The following TMEM154 variants were observed in gnomAD, a reference collection of about 807,000 sequenced individuals.
TMEM154 encodes transmembrane protein 154.
In TMEM154, 27 loss-of-function variants were observed where a neutral mutation model predicts 24.5. The ratio of observed to expected loss-of-function variants is 1.10; its 90% confidence interval spans 0.81 to 1.52. TMEM154 has a LOEUF of 1.52. TMEM154 is among the 40% of genes most tolerant of loss of function. TMEM154 has a pLI of 0.00. For synonymous variants in TMEM154, 67 were observed against 76.8 expected (o/e 0.87, Z 0.67); for missense variants, 228 against 213.4 (o/e 1.07, Z -0.43).
intron 3 of TMEM154, chr4:152,647,136 AAATTT>A: frequency 6.8e-7 from 1 of 1,478,982 alleles, no homozygotes; most frequent in Non-Finnish European, 9.0e-7. Flanking sequence ...TCCCATTGTC[AAATTT>A]AAAGACTTAT....
chr4:152,631,224 G>A (rs1458577622), intron 6 of TMEM154, among the ~76,000 whole-genome samples: 2 of 151,582 alleles, frequency 1.3e-5, no homozygotes, highest in East Asian at 1.9e-4. Context: ...TACTCTTTAG[G>A]GAACTATCCT....
At chr4:152,662,819 A>C (rs563490389) in intron 1 of TMEM154, among the ~76,000 whole-genome samples, 1 of 152,312 alleles carries the variant, frequency 6.6e-6, no homozygotes, top group Non-Finnish European at 1.5e-5. Context: ...CTGTGGAGGA[A>C]GGCAGAACTC....
intron 6 of TMEM154, among the ~76,000 whole-genome samples, chr4:152,630,309 CAAAAAAAA>C (rs56827457): frequency 4.4e-5 from 4 of 91,336 alleles, no homozygotes; most frequent in East Asian, 3.4e-4. Flanking sequence ...CACCCTGTCT[CAAAAAAAA>C]AAAAAAAAAA....
chr4:152,657,923 C>T (rs1728522628), intron 1 of TMEM154, among the ~76,000 whole-genome samples: 1 of 152,172 alleles, frequency 6.6e-6, no homozygotes, highest in African/African-American at 2.4e-5. Context: ...CTTTCCCAGA[C>T]ATGCAAAAGC....
chr4:152,653,413 A>C, intron 1 of TMEM154, among the ~76,000 whole-genome samples: 1 of 138,740 alleles, frequency 7.2e-6, no homozygotes, highest in Admixed American at 7.7e-5. Flanking sequence ...TTTTTGAGGC[A>C]GAGTCTTGCT....
chr4:152,661,284 TTCTCTCTCTCTCTCTCTCTCTCTCTCTC>T (rs70949609), intron 1 of TMEM154, among the ~76,000 whole-genome samples: 2,275 of 63,510 alleles, frequency 0.036, 93 homozygotes, highest in African/African-American at 0.13. Flanking sequence ...ATTGTTCTCT[TTCTCTCTCTCTCTCTCTCTCTCTCTCTC>T]TCTCTCTCTC....
rs1481996301 is a variant in TMEM154, at chr4:152,626,548, C to G, written c.*1998G>C. The stretch of plus-strand genomic sequence containing the variant: ...ATTATAGCTTTACCAAATAAAAACT[C>G]AATGACATGTCGCTGAAATTTGCTT... On this transcript the variant is annotated 3_prime_UTR_variant, in exon 7 of 7. Coordinates refer to ENST00000304385, the MANE Select transcript of TMEM154 (RefSeq NM_152680.3). 1 of 152,162 alleles carries G rather than the reference C, an allele frequency of 6.6e-6. No individual in the cohort carries two copies. The highest frequency in any genetic ancestry group is 2.4e-5 in the African/African-American group (1 of 41,432). 9.4% of individuals were successfully genotyped at this position (152,162 alleles called of 1,614,324 possible).
chr4:152,665,653 T>C (rs1344695586), intron 1 of TMEM154, among the ~76,000 whole-genome samples: 2 of 152,184 alleles, frequency 1.3e-5, no homozygotes, highest in African/African-American at 2.4e-5. Flanking sequence ...ATAGCTTTAA[T>C]TGGTGCTTTA....
At chr4:152,663,202 C>A (rs1384236436) in intron 1 of TMEM154, among the ~76,000 whole-genome samples, 3 of 152,188 alleles carry the variant, frequency 2.0e-5, no homozygotes, top group African/African-American at 4.8e-5. Flanking sequence ...TGTTCTCTTT[C>A]CCCCATCTCT....
chr4:152,668,032 C>T (rs558441570), intron 1 of TMEM154, among the ~76,000 whole-genome samples: 1 of 152,180 alleles, frequency 6.6e-6, no homozygotes, highest in Admixed American at 6.5e-5. Context: ...ATTTTGATGT[C>T]TTTTTAAGAG....
At chr4:152,641,350 A>T (rs906661407) in intron 5 of TMEM154, 3 of 192,612 alleles carry the variant, frequency 1.6e-5, no homozygotes, top group East Asian at 1.5e-4. Context: ...CTGCAGAATG[A>T]TTTCCATCAG....
rs1309196453 is a variant in TMEM154 at position 152,642,963 on chromosome 4, C to T, written c.478+125G>A. On this transcript the variant is annotated intron_variant, in intron 5 of 6. Transcript: ENST00000304385. ...AGACCAGGTTTATTATCTGCATGTACCAGATCTAATGTGGGATTGGGTTCT... is the reference window on the plus strand; with the variant it reads ...AGACCAGGTTTATTATCTGCATGTATCAGATCTAATGTGGGATTGGGTTCT... 6 of 720,410 alleles carry T rather than the reference C, an allele frequency of 8.3e-6. No individual in the cohort carries two copies. In the African/African-American group the frequency reaches 1.1e-4, roughly 13 times the overall value. 44.6% of individuals were successfully genotyped at this position (720,410 alleles called of 1,614,324 possible).
rs1259385152 is a variant in TMEM154, at chr4:152,623,891, A to AC, written c.*4654_*4655insG. The stretch of plus-strand genomic sequence containing the variant: ...AGCAAAACACTATCTTAAAAAAAAA[A>AC]AAAAAGGAAATGGGAAACTGTTAAG... On this transcript the variant is annotated 3_prime_UTR_variant, in exon 7 of 7. Transcript: ENST00000304385. 6.6e-6 allele frequency: 1 copy of AC among 152,080 alleles called. No individual in the cohort carries two copies. Among genetic ancestry groups the AC allele is most frequent in the African/African-American group, 2.4e-5 (1 of 41,424 alleles). The allele number at this position is 152,080 out of a possible 1,614,324, so 9.4% of individuals were successfully genotyped here. A position where few individuals can be genotyped will look rare whatever the true frequency, so the allele number is the denominator to read the frequency against.
chr4:152,669,846 G>A (rs1162721740), intron 1 of TMEM154: 1 of 152,202 alleles, frequency 6.6e-6, no homozygotes, highest in Non-Finnish European at 1.5e-5. Context: ...TTAAGGAAAA[G>A]AAGCCAGAAC....
At chr4:152,670,658 T>C (rs938076770) in intron 1 of TMEM154, among the ~76,000 whole-genome samples, 13 of 152,224 alleles carry the variant, frequency 8.5e-5, no homozygotes, top group Admixed American at 7.9e-4. Context: ...TAGCTAATAT[T>C]CTGGAATAAA....
intron 1 of TMEM154, among the ~76,000 whole-genome samples, chr4:152,678,743 A>G (rs1729003001): frequency 6.6e-6 from 1 of 152,178 alleles, no homozygotes; most frequent in African/African-American, 2.4e-5. Flanking sequence ...TCAACTTCCA[A>G]ACCCACTCTG....
At chr4:152,671,584 A>G (rs1475021416) in intron 1 of TMEM154, among the ~76,000 whole-genome samples, 4 of 150,702 alleles carry the variant, frequency 2.7e-5, no homozygotes, top group African/African-American at 9.8e-5. Flanking sequence ...CGTCTCTACT[A>G]AAAATACAAA....
chr4:152,644,316 C>A, intron 4 of TMEM154, 99 bp downstream of exon 4: 2 of 1,363,116 alleles, frequency 1.5e-6, no homozygotes, highest in East Asian at 2.4e-5. Context: ...AGGAGAGTCC[C>A]GCAAGATGTC....
intron 1 of TMEM154, among the ~76,000 whole-genome samples, chr4:152,660,751 C>T (rs932418098): frequency 1.3e-5 from 2 of 152,162 alleles, no homozygotes; most frequent in African/African-American, 2.4e-5. Flanking sequence ...CCCATTCCTC[C>T]GCCTATACTA....
Sources: gnomAD v4.1 joint callset for allele counts (sites outside exome capture counted in the v4.1 genomes callset) on GRCh38, gnomAD v4.1.1 for gene constraint, MANE v1.5 for transcripts, NCBI Gene and HGNC (gene_info 2026-07-23, HGNC 2026-07-21) for gene names.